The following ZFP57 variants were observed in gnomAD, a reference collection of about 807,000 sequenced individuals.
ZFP57 encodes zinc finger protein 57 homolog.
A neutral mutation model predicts 15.8 loss-of-function variants in ZFP57; 12 were observed. That is an observed-to-expected ratio of 0.76 (90% confidence interval 0.49 to 1.23). ZFP57 has a LOEUF of 1.23. Ranked by LOEUF, ZFP57 falls within the 50% of genes most tolerant of loss-of-function variation. The pLI is 0.00. For missense variants in ZFP57, 536 were observed against 654.9 expected (o/e 0.82, Z 1.98); for synonymous variants, 203 against 242.3 (o/e 0.84, Z 1.51).
intron 2 of ZFP57, among the ~76,000 whole-genome samples, chr6:29,676,555 A>G (rs1295267350): frequency 5.3e-5 from 8 of 151,754 alleles, no homozygotes; most frequent in African/African-American, 1.5e-4. Flanking sequence ...AAAAAGAAAA[A>G]AAAAAAAAGG....
chr6:29,679,842 C>G (rs1182348421), intron 1 of ZFP57, among the ~76,000 whole-genome samples: 1 of 152,120 alleles, frequency 6.6e-6, no homozygotes, highest in Non-Finnish European at 1.5e-5. Flanking sequence ...GGAGATCGCG[C>G]CATTGCACTC....
At position 29,677,239 on chromosome 6, in the gene ZFP57, G is replaced by C; in HGVS notation, c.-236C>G. Reference sequence around the variant, plus strand: ...CTCTTCCACAATTGAGAACAATTTTGCTTCCCTCAAAGCTGGGCCACCGAG... The same window carrying C: ...CTCTTCCACAATTGAGAACAATTTTCCTTCCCTCAAAGCTGGGCCACCGAG... On this transcript the variant is annotated 5_prime_UTR_variant, in exon 2 of 5. Coordinates refer to ENST00000376883, the MANE Select transcript of ZFP57 (RefSeq NM_001109809.5). 1 of 604,670 alleles carries C rather than the reference G, an allele frequency of 1.7e-6. No individual in the cohort carries two copies. Among genetic ancestry groups the C allele is most frequent in the East Asian group, 2.9e-5 (1 of 34,202 alleles). The allele number at this position is 604,670 out of a possible 1,614,324, so 37.5% of individuals were successfully genotyped here.
In ZFP57 at chr6:29,676,928, GC is replaced by G. The variant is rs777488576; in HGVS notation, c.75del (p.Gln26ArgfsTer4). On this transcript the variant is annotated frameshift_variant, in exon 2 of 5. Coordinates refer to ENST00000376883, the MANE Select transcript of ZFP57 (RefSeq NM_001109809.5). LOFTEE classifies it high-confidence loss of function. ...CAGCAATCTCTCTTCATGGCTTCCT[GC>G]AGGGTGGCAGCTACCTCGCCCACCC... ...LPWVGEVAAT[L>X]QEAMKRDCWR... The G allele has an allele frequency of 6.2e-7, 1 of 1,614,180 alleles. No individual in the cohort carries two copies.
At chr6:29,676,551 A>AAG (rs777269307) in intron 2 of ZFP57, among the ~76,000 whole-genome samples, 215 of 87,956 alleles carry the variant, frequency 2.4e-3, no homozygotes, top group East Asian at 0.022. Flanking sequence ...AAAAAAAAAG[A>AAG]AAAAAAAAAA....
At chr6:29,675,826 C>G in intron 3 of ZFP57, 107 bp downstream of exon 3, 1 of 1,409,752 alleles carries the variant, frequency 7.1e-7, no homozygotes. Context: ...AAGCATAGAA[C>G]CAGGGGTCAG....
chr6:29,674,280 C>T (rs1771965226), intron 4 of ZFP57, among the ~76,000 whole-genome samples: 1 of 152,114 alleles, frequency 6.6e-6, no homozygotes, highest in African/African-American at 2.4e-5. Flanking sequence ...CACAGCACTC[C>T]ATTCAGCCTA....
chr6:29,678,257 G>C (rs1432864359), intron 1 of ZFP57, among the ~76,000 whole-genome samples: 5 of 152,206 alleles, frequency 3.3e-5, no homozygotes, highest in African/African-American at 1.2e-4. Context: ...TTGACATTCT[G>C]AGTAGTGTGA....
rs886061285 is a variant in ZFP57 at position 29,673,313 on chromosome 6, C to T, written c.798G>A (p.Lys266=). ...YRPHSCSVCG[K]SFRDQSELKR... ...TGAGCTCAGACTGGTCCCGGAAGCT[C>T]TTCCCACACACAGAGCATGAATGGG... is the stretch of plus-strand genomic sequence containing the variant. Residue 266 remains lysine, a synonymous_variant, in exon 5 of 5, where the codon AAG becomes AAA. Coordinates refer to ENST00000376883, the MANE Select transcript of ZFP57 (RefSeq NM_001109809.5). This position sits in a 1 kb window ranked among gnomAD's most constrained non-coding sequence, Gnocchi z 4.7. The T allele has an allele frequency of 2.5e-6, 4 of 1,612,924 alleles. No homozygotes were observed. The highest frequency in any genetic ancestry group is 3.4e-6 in the Non-Finnish European group (4 of 1,180,042).
intron 2 of ZFP57, 89 bp from the exon 3 acceptor site, chr6:29,676,148 A>G: frequency 8.2e-7 from 1 of 1,218,790 alleles, no homozygotes; most frequent in Non-Finnish European, 1.1e-6. Flanking sequence ...TCCAGTCTCA[A>G]GATTCAGAGA....
rs528824539 is a variant in ZFP57 at position 29,679,179 on chromosome 6, G to A, written c.-363-1813C>T. On this transcript the variant is annotated intron_variant, in intron 1 of 4. Transcript: ENST00000376883. ...AGGGCTCACAATGAGCCCAGCACTG[G>A]AGTTCCCTGCTCATCCTTGGAAATT... Among the ~76,000 whole-genome samples, 31 of 152,292 alleles carry A rather than the reference G, an allele frequency of 2.0e-4. No homozygotes were observed. In the Middle Eastern group the frequency reaches 0.01, roughly 50 times the overall value.
At chr6:29,674,652 G>GT (rs1467107087) in intron 4 of ZFP57, among the ~76,000 whole-genome samples, 1 of 152,160 alleles carries the variant, frequency 6.6e-6, no homozygotes, top group Non-Finnish European at 1.5e-5. Flanking sequence ...ACCAAAAAGT[G>GT]TATCAGCCTG....
chr6:29,677,843 C>G (rs1249668787), intron 1 of ZFP57, among the ~76,000 whole-genome samples: 4 of 151,876 alleles, frequency 2.6e-5, no homozygotes, highest in Non-Finnish European at 5.9e-5. Flanking sequence ...TCCCCTTTAT[C>G]ATGGTTTTGC....
At chr6:29,680,808 G>T (rs559352155) in intron 1 of ZFP57, among the ~76,000 whole-genome samples, 8 of 152,206 alleles carry the variant, frequency 5.3e-5, no homozygotes, top group Non-Finnish European at 1.2e-4. Context: ...TTCCTTCTGG[G>T]ATGCCGACTT....
chr6:29,676,096 A>ATCTGTGTGTGTGTGTGTGTG, intron 2 of ZFP57, 37 bp from the exon 3 acceptor site: 1 of 1,066,844 alleles, frequency 9.4e-7, no homozygotes, highest in Non-Finnish European at 1.3e-6. Flanking sequence ...GTTTATATAA[A>ATCTGTGTGTGTGTGTGTGTG]TATATATGTG....
At position 29,676,927 on chromosome 6, in the gene ZFP57, T is replaced by C; in HGVS notation, c.77A>G (p.Gln26Arg). Residue 26 changes from glutamine (Q) to arginine (R), a missense_variant, in exon 2 of 5, where the codon CAG (glutamine) becomes CGG (arginine). Coordinates refer to ENST00000376883, the MANE Select transcript of ZFP57 (RefSeq NM_001109809.5). ...CCAGCAATCTCTCTTCATGGCTTCC[T>C]GCAGGGTGGCAGCTACCTCGCCCAC... The part of the protein sequence containing the change: ...PWVGEVAATL[Q>R]EAMKRDCWRE... The C allele has an allele frequency of 1.9e-6, 3 of 1,614,210 alleles. No homozygotes were observed. Among genetic ancestry groups the C allele is most frequent in the East Asian group, 2.2e-5 (1 of 44,894 alleles).
intron 1 of ZFP57, among the ~76,000 whole-genome samples, chr6:29,678,306 G>A (rs1011064177): frequency 6.6e-6 from 1 of 152,372 alleles, no homozygotes. Flanking sequence ...TGCCCAGGAT[G>A]TGAATCATCC....
rs1211596222 is a variant in ZFP57 at position 29,673,409 on chromosome 6, C to T, written c.702G>A (p.Thr234=). ...CATCACAGTAGGTCTTGTCACAGAG[C>T]GTGCAACAGAAGGGCCTCTCCCCAA... The part of the protein sequence containing the change: ...MHLGERPFCC[T]LCDKTYCDAS... The change falls in exon 5 of 5, where the codon ACG becomes ACA. Residue 234 remains threonine (T), a synonymous_variant. Coordinates refer to ENST00000376883, the MANE Select transcript of ZFP57 (RefSeq NM_001109809.5). The surrounding 1 kb of genome is among the most constrained non-coding windows in gnomAD (Gnocchi z 4.7). 19 of 1,612,912 alleles carry T rather than the reference C, an allele frequency of 1.2e-5. No individual in the cohort carries two copies. The highest frequency in any genetic ancestry group is 1.5e-5 in the Non-Finnish European group (18 of 1,180,046).
chr6:29,673,347 C>T lies in ZFP57; in HGVS notation c.764G>A (p.Gly255Asp), dbSNP rs1361113486. The change falls in exon 5 of 5, where the codon GGT becomes GAT. Residue 255 changes from glycine (G) to aspartate (D), a missense_variant. Transcript: ENST00000376883. The surrounding 1 kb of genome is among the most constrained non-coding windows in gnomAD (Gnocchi z 4.7). ...GLSRHRRVHL[G>D]YRPHSCSVCG... is the part of the protein sequence containing the mutation. ...CACAGAGCATGAATGGGGCCGGTAACCCAGATGGACGCGGCGGTGACGACT... is the reference window on the plus strand; with the variant it reads ...CACAGAGCATGAATGGGGCCGGTAATCCAGATGGACGCGGCGGTGACGACT... The T allele has an allele frequency of 5.0e-6, 8 of 1,613,038 alleles. No homozygotes were observed. Among genetic ancestry groups the T allele is most frequent in the Non-Finnish European group, 6.8e-6 (8 of 1,180,030 alleles).
At chr6:29,679,686 T>G (rs1347370253) in intron 1 of ZFP57, among the ~76,000 whole-genome samples, 1 of 152,142 alleles carries the variant, frequency 6.6e-6, no homozygotes, top group East Asian at 1.9e-4. Context: ...GTCAGGAGTT[T>G]GAGACCAGCC....
Sources: gnomAD v4.1 joint callset for allele counts (sites outside exome capture counted in the v4.1 genomes callset) on GRCh38, gnomAD v4.1.1 for gene constraint, Gnocchi (gnomAD v3.1) non-coding constraint, MANE v1.5 for transcripts, NCBI Gene and HGNC (gene_info 2026-07-23, HGNC 2026-07-21) for gene names.